The following OTUD6B variants were observed in gnomAD, a reference collection of about 807,000 sequenced individuals.
OTUD6B encodes OTU deubiquitinase 6B.
Under a neutral mutation model 36.9 loss-of-function variants are expected in OTUD6B, and 41 were observed. The ratio of observed to expected loss-of-function variants is 1.11; its 90% CI spans 0.87 to 1.44. The LOEUF (loss-of-function observed/expected upper bound fraction) is 1.44. Among genes scored for constraint, OTUD6B ranks in the 40% most tolerant of loss-of-function variants. The pLI is 0.00. For synonymous variants in OTUD6B, 114 were observed against 114.2 expected (o/e 1.00, Z 0.01); for missense variants, 356 against 344.8 (o/e 1.03, Z -0.26).
chr8:91,071,002 C>T (rs28429767), intron 1 of OTUD6B, 136 bp from the exon 2 acceptor site: 887,811 of 1,404,018 alleles, frequency 0.63, 283,023 homozygotes, highest in African/African-American at 0.71. Flanking sequence ...TCTGTAGCTG[C>T]CTGTTACGTG....
rs752222666 is a variant in OTUD6B, at chr8:91,084,891, T to C, written c.*23T>C. 4.0e-6 allele frequency: 5 copies of C among 1,253,172 alleles called. No individual in the cohort carries two copies. The highest frequency in any genetic ancestry group is 4.5e-6 in the Non-Finnish European group (4 of 881,100). 77.6% of individuals were successfully genotyped at this position (1,253,172 alleles called of 1,614,324 possible). On this transcript the variant is annotated 3_prime_UTR_variant, in exon 7 of 7. Coordinates refer to ENST00000404789, the MANE Select transcript of OTUD6B (RefSeq NM_016023.5). ...TAATTTATACAATGTTGTACAATTA[T>C]GTTTTAATACAGTGTGCTGAACTGA... is the stretch of plus-strand genomic sequence containing the variant.
chr8:91,070,636 C>T (rs1038465432), intron 1 of OTUD6B, among the ~76,000 whole-genome samples, 170 bp downstream of exon 1: 1 of 152,028 alleles, frequency 6.6e-6, no homozygotes, highest in Non-Finnish European at 1.5e-5. Context: ...CTTTAATTCC[C>T]CAACCTTCAG....
At chr8:91,083,389 T>C (rs1812945243) in intron 5 of OTUD6B, among the ~76,000 whole-genome samples, 1 of 152,202 alleles carries the variant, frequency 6.6e-6, no homozygotes, top group South Asian at 2.1e-4. Context: ...TAGTATAATA[T>C]ACCTAGTCTA....
At chr8:91,082,846 G>A (rs1302361660) in intron 5 of OTUD6B, among the ~76,000 whole-genome samples, 1 of 149,162 alleles carries the variant, frequency 6.7e-6, no homozygotes, top group African/African-American at 2.5e-5. Context: ...CTGCCTCCCG[G>A]GCTCAAGTGA....
rs746479510 is a variant in OTUD6B, at chr8:91,084,815, CATT to C, written c.832_834del (p.Tyr278del). On this transcript the variant is annotated inframe_deletion, in exon 7 of 7. Transcript: ENST00000404789. Reference sequence around the variant, plus strand: ...GAGACATGCATATGGCTTAGGAGAACATTATAATTCGGTTACACGGTTGGTAAA... The same window carrying C: ...GAGACATGCATATGGCTTAGGAGAACATAATTCGGTTACACGGTTGGTAAA... 3.8e-6 allele frequency: 6 copies of C among 1,580,204 alleles called. No individual in the cohort carries two copies. The South Asian group carries it at 6.9e-5, about 18-fold the overall frequency.
Position 91,084,009 on chromosome 8 carries a change from T to C in OTUD6B, c.692T>C (p.Leu231Pro). ...CTGATACTTTTTTTCTTCCTATAGCTAAGAGCTCTGTCTCACATTTTACAA... is the reference window on the plus strand; with the variant it reads ...CTGATACTTTTTTTCTTCCTATAGCCAAGAGCTCTGTCTCACATTTTACAA... ...NTAAWGGQLE[L>P]RALSHILQTP... is the part of the protein sequence containing the mutation. Residue 231 changes from leucine to proline, a missense_variant and splice_region_variant, in exon 6 of 7, where the codon CTA becomes CCA. Coordinates refer to ENST00000404789, the MANE Select transcript of OTUD6B (RefSeq NM_016023.5). 6.4e-7 allele frequency: 1 copy of C among 1,562,096 alleles called. No homozygotes were observed. The highest frequency in any genetic ancestry group is 8.7e-7 in the Non-Finnish European group (1 of 1,153,792).
At chr8:91,080,524 G>C in intron 4 of OTUD6B, 145 bp from the exon 5 acceptor site, 7 of 1,421,646 alleles carry the variant, frequency 4.9e-6, no homozygotes, top group Non-Finnish European at 5.5e-6. Flanking sequence ...CTGGGAGTTA[G>C]ATTAGATTCT....
At chr8:91,081,239 A>C (rs1287450348) in intron 5 of OTUD6B, among the ~76,000 whole-genome samples, 2 of 151,742 alleles carry the variant, frequency 1.3e-5, no homozygotes, top group African/African-American at 2.4e-5. Flanking sequence ...TGACTGACTT[A>C]CTTGAAAGCA....
intron 3 of OTUD6B, among the ~76,000 whole-genome samples, chr8:91,074,240 G>A (rs1188732928): frequency 6.6e-6 from 1 of 152,124 alleles, no homozygotes; most frequent in Non-Finnish European, 1.5e-5. Flanking sequence ...GGGAGTGGGA[G>A]TGCAAAGTAG....
chr8:91,078,191 C>A (rs1812835857), intron 3 of OTUD6B, 165 bp from the exon 4 acceptor site: 10 of 909,840 alleles, frequency 1.1e-5, no homozygotes, highest in Non-Finnish European at 1.3e-5. Context: ...GAGTAAGGAG[C>A]TCACCTTGTA....
chr8:91,081,403 G>A (rs1475918313), intron 5 of OTUD6B, among the ~76,000 whole-genome samples: 2 of 151,606 alleles, frequency 1.3e-5, no homozygotes, highest in South Asian at 4.2e-4. Context: ...AAACAGGTAG[G>A]TAGGCCAGAT....
Position 91,084,799 on chromosome 8 carries a change from A to G in OTUD6B, c.813A>G (p.Ala271=), listed in dbSNP as rs200563063. ...KPLILVYMRH[A]YGLGEHYNSV... is the part of the protein sequence containing the mutation. ...TTAATTTCAGATATATGAGACATGC[A>G]TATGGCTTAGGAGAACATTATAATT... The change falls in exon 7 of 7, where the codon GCA becomes GCG. Residue 271 remains alanine, a synonymous_variant. Transcript: ENST00000404789. The G allele has an allele frequency of 3.2e-6, 5 of 1,571,442 alleles. No homozygotes were observed. In the Admixed American group the frequency reaches 9.1e-5, roughly 29 times the overall value.
At position 91,084,816 on chromosome 8, in the gene OTUD6B, A is replaced by T. The variant is rs761943158; in HGVS notation, c.830A>T (p.His277Leu). 1.3e-6 allele frequency: 2 copies of T among 1,586,390 alleles called. No homozygotes were observed. The highest frequency in any genetic ancestry group is 8.6e-7 in the Non-Finnish European group (1 of 1,162,690). Residue 277 changes from histidine to leucine, a missense_variant, in exon 7 of 7, where the codon CAT (histidine) becomes CTT (leucine). His to Leu is a moderately conservative substitution (Grantham distance 99). Coordinates refer to ENST00000404789, the MANE Select transcript of OTUD6B (RefSeq NM_016023.5). ...YMRHAYGLGE[H>L]YNSVTRLVNI... The stretch of plus-strand genomic sequence containing the variant: ...AGACATGCATATGGCTTAGGAGAAC[A>T]TTATAATTCGGTTACACGGTTGGTA...
In OTUD6B at chr8:91,084,764, CTTTT is replaced by C. The variant is rs748645688; in HGVS notation, c.798-12_798-9del. The C allele has an allele frequency of 6.8e-5, 78 of 1,149,102 alleles. No homozygotes were observed. In the African/African-American group the frequency reaches 1.1e-3, roughly 16 times the overall value. 71.2% of individuals were successfully genotyped at this position (1,149,102 alleles called of 1,614,324 possible). On this transcript the variant is annotated splice_polypyrimidine_tract_variant and intron_variant, in intron 6 of 6. Transcript: ENST00000404789. ...TTGCTTTCATCAAAACTACTCATTT[CTTTT>C]TTTTTTTAATTTCAGATATATGAGA... is the stretch of plus-strand genomic sequence containing the variant.
chr8:91,077,873 G>T (rs1021076941), intron 3 of OTUD6B, among the ~76,000 whole-genome samples: 1 of 151,772 alleles, frequency 6.6e-6, no homozygotes, highest in Non-Finnish European at 1.5e-5. Flanking sequence ...TTAATTAAAT[G>T]TATGTGTATA....
rs780003026 is a variant in OTUD6B at position 91,080,765 on chromosome 8, G to A, written c.690+35G>A. On this transcript the variant is annotated intron_variant, in intron 5 of 6. Transcript: ENST00000404789. ...TAGTTATTCATAGTGATTGTGGGTTGTTAAATTATTTCTAAATCCCTTCTG... is the reference window on the plus strand; with the variant it reads ...TAGTTATTCATAGTGATTGTGGGTTATTAAATTATTTCTAAATCCCTTCTG... 3 of 1,484,338 alleles carry A rather than the reference G, an allele frequency of 2.0e-6. No homozygotes were observed. The Admixed American group carries it at 5.8e-5, about 29-fold the overall frequency. The allele number at this position is 1,484,338 out of a possible 1,614,324, so 91.9% of individuals were successfully genotyped here. A position where few individuals can be genotyped will look rare whatever the true frequency, so the allele number is the denominator to read the frequency against.
At chr8:91,072,959 A>G (rs139039189) in intron 2 of OTUD6B, among the ~76,000 whole-genome samples, 2 of 148,384 alleles carry the variant, frequency 1.3e-5, no homozygotes, top group Admixed American at 6.7e-5. Flanking sequence ...TGTTTTTCAG[A>G]TGCATCTCTT....
chr8:91,070,389 A>G lies in OTUD6B; in HGVS notation c.5A>G (p.Glu2Gly), dbSNP rs1216002564. Residue 2 changes from glutamate to glycine, a missense_variant, in exon 1 of 7, where the codon GAG becomes GGG. Transcript: ENST00000404789. Reference sequence around the variant, plus strand: ...GTGCTGGGGTACCTGGTCGTCATGGAGGCGGTATTGACCGAAGAGCTTGAT... The same window carrying G: ...GTGCTGGGGTACCTGGTCGTCATGGGGGCGGTATTGACCGAAGAGCTTGAT... The part of the protein sequence containing the change: M[E>G]AVLTEELDEE... The G allele has an allele frequency of 6.2e-7, 1 of 1,609,052 alleles. No homozygotes were observed. Among genetic ancestry groups the G allele is most frequent in the Non-Finnish European group, 8.5e-7 (1 of 1,177,752 alleles).
chr8:91,081,085 C>T (rs371867400), intron 5 of OTUD6B, among the ~76,000 whole-genome samples: 2 of 151,696 alleles, frequency 1.3e-5, no homozygotes, highest in African/African-American at 2.4e-5. Flanking sequence ...TAAAATTTAG[C>T]CTAGTAGCTC....
Sources: allele counts gnomAD v4.1 joint callset (sites outside exome capture counted in the v4.1 genomes callset), GRCh38; gene constraint gnomAD v4.1.1; transcripts MANE v1.5; gene names NCBI Gene and HGNC (gene_info 2026-07-23, HGNC 2026-07-21).